The following TPP2 variants were observed in gnomAD, a reference collection of about 807,000 sequenced individuals.
TPP2 encodes the protein tripeptidyl peptidase 2.
Under a neutral mutation model 155.9 loss-of-function variants are expected in TPP2, and 34 were observed. The ratio of observed to expected loss-of-function variants is 0.22; its 90% CI spans 0.17 to 0.29. The LOEUF is 0.29. TPP2 is among the 10% of genes least tolerant of loss of function. The probability of loss-of-function intolerance (pLI) is 1.00; values close to 1 mark genes in which losing one functional copy is unlikely to be tolerated. For missense variants in TPP2, 1,028 were observed against 1,522.3 expected (o/e 0.68, Z 5.40); for synonymous variants, 510 against 529.4 (o/e 0.96, Z 0.50).
chr13:102,636,400 A>C lies in TPP2; in HGVS notation c.1678+8A>C. 1 of 1,606,818 alleles carries C rather than the reference A, an allele frequency of 6.2e-7. No individual in the cohort carries two copies. Among genetic ancestry groups the C allele is most frequent in the Non-Finnish European group, 8.5e-7 (1 of 1,177,558 alleles). On this transcript the variant is annotated splice_region_variant and intron_variant, in intron 13 of 29. Coordinates refer to ENST00000376052, the MANE Select transcript of TPP2 (RefSeq NM_001330588.2). ...TATTTCCGGAGAACACAGGTCAGTA[A>C]TAGGCTGGCAGTAAGCTGACGTATT...
At chr13:102,650,055 T>C (rs992411708) in intron 23 of TPP2, among the ~76,000 whole-genome samples, 1 of 152,150 alleles carries the variant, frequency 6.6e-6, no homozygotes, top group Non-Finnish European at 1.5e-5. Flanking sequence ...AAAATGATGC[T>C]TTTTTTAGAA....
intron 19 of TPP2, 148 bp downstream of exon 19, chr13:102,645,157 G>A (rs1883022488): frequency 1.4e-6 from 1 of 729,206 alleles, no homozygotes; most frequent in Non-Finnish European, 2.2e-6. Context: ...CTGCAAGGCA[G>A]CCCCAGTATC....
At chr13:102,621,370 A>G (rs971432973) in intron 5 of TPP2, among the ~76,000 whole-genome samples, 1 of 152,156 alleles carries the variant, frequency 6.6e-6, no homozygotes, top group Non-Finnish European at 1.5e-5. Context: ...CATGGAAGCA[A>G]GTGTTGGGAA....
chr13:102,646,910 T>C (rs1883143471), intron 20 of TPP2, among the ~76,000 whole-genome samples: 1 of 152,218 alleles, frequency 6.6e-6, no homozygotes, highest in African/African-American at 2.4e-5. Context: ...GGAAATGGAT[T>C]GGTTTCAGTG....
intron 2 of TPP2, among the ~76,000 whole-genome samples, chr13:102,608,597 T>C (rs1212563533): frequency 6.6e-6 from 1 of 152,170 alleles, no homozygotes; most frequent in Non-Finnish European, 1.5e-5. Context: ...ATTTTGCCTA[T>C]TTTTAATTGC....
chr13:102,616,248 C>A, intron 3 of TPP2, 148 bp from the exon 4 acceptor site: 1 of 554,380 alleles, frequency 1.8e-6, no homozygotes, highest in Non-Finnish European at 3.0e-6. Flanking sequence ...TGAGCCACCA[C>A]ACCCGGCCAA....
chr13:102,605,544 G>T (rs1879755373), intron 2 of TPP2, among the ~76,000 whole-genome samples: 1 of 152,114 alleles, frequency 6.6e-6, no homozygotes, highest in Non-Finnish European at 1.5e-5. Flanking sequence ...CAGTGAGCTT[G>T]CCAAATTTTA....
chr13:102,661,336 G>C lies in TPP2; in HGVS notation c.3144-2312G>C, dbSNP rs1325598266. Among the ~76,000 whole-genome samples the C allele has an allele frequency of 2.8e-5, 4 of 140,568 alleles. No homozygotes were observed. In the Admixed American group the frequency reaches 3.0e-4, roughly 10 times the overall value. The allele number at this position is 140,568 out of a possible 152,430, so 92.2% of individuals were successfully genotyped here. On this transcript the variant is annotated intron_variant, in intron 25 of 29. Coordinates refer to ENST00000376052, the MANE Select transcript of TPP2 (RefSeq NM_001330588.2). The stretch of plus-strand genomic sequence containing the variant: ...CACGATCATAGCTCACTGCAGCCTT[G>C]AACCCCTGGGCTCAAGGGATCTTCC...
intron 24 of TPP2, among the ~76,000 whole-genome samples, chr13:102,652,566 C>A (rs1000568713): frequency 1.1e-4 from 17 of 151,568 alleles, no homozygotes; most frequent in African/African-American, 4.1e-4. Flanking sequence ...CAGTAATGTC[C>A]TAATGTATAC....
chr13:102,627,736 A>C (rs994877652), intron 7 of TPP2, 112 bp from the exon 8 acceptor site: 6 of 746,844 alleles, frequency 8.0e-6, no homozygotes, highest in Middle Eastern at 3.6e-4. Flanking sequence ...TAACTTATAA[A>C]TTAGAATATG....
At chr13:102,597,307 C>G (rs995557374) in intron 1 of TPP2, 104 bp downstream of exon 1, 29 of 658,318 alleles carry the variant, frequency 4.4e-5, no homozygotes, top group Admixed American at 8.9e-5. Flanking sequence ...GCTCTGCGGC[C>G]GAGTCCGGGC....
intron 10 of TPP2, chr13:102,631,465 G>A (rs1882012851): frequency 6.6e-6 from 1 of 152,198 alleles, no homozygotes; most frequent in African/African-American, 2.4e-5. Flanking sequence ...CCAAAAGTCA[G>A]CAAAGCTTGA....
rs561485958 is a variant in TPP2, at chr13:102,619,444, AAAAC to A, written c.620+608_620+611del. Among the ~76,000 whole-genome samples the A allele has an allele frequency of 8.3e-4, 127 of 152,174 alleles. 2 individuals are homozygous for A. The East Asian group carries it at 0.021, about 25-fold the overall frequency. On this transcript the variant is annotated intron_variant, in intron 5 of 29. Coordinates refer to ENST00000376052, the MANE Select transcript of TPP2 (RefSeq NM_001330588.2). Reference sequence around the variant, plus strand: ...TGTGCTTTAGGATTTCTGCAAAAAAAAAACAAACAAACAGGGACTATTTCTTAAA... The same window carrying A: ...TGTGCTTTAGGATTTCTGCAAAAAAAAAACAAACAGGGACTATTTCTTAAA...
At chr13:102,650,439 C>G (rs1883407880) in intron 23 of TPP2, among the ~76,000 whole-genome samples, 1 of 152,164 alleles carries the variant, frequency 6.6e-6, no homozygotes, top group African/African-American at 2.4e-5. Context: ...TAGAAAGTTG[C>G]CTACCCTGAC....
chr13:102,624,838 A>AATT (rs1179643536), intron 6 of TPP2, among the ~76,000 whole-genome samples: 6 of 89,396 alleles, frequency 6.7e-5, no homozygotes, highest in Non-Finnish European at 1.1e-4. Context: ...ACATGTACTT[A>AATT]ATTTTTTTTT....
chr13:102,641,135 A>C (rs1438612082), intron 16 of TPP2, among the ~76,000 whole-genome samples: 1 of 152,220 alleles, frequency 6.6e-6, no homozygotes, highest in Non-Finnish European at 1.5e-5. Flanking sequence ...TCTTGAATTA[A>C]CATGTTATAG....
Position 102,623,059 on chromosome 13 carries a change from AC to A in TPP2, c.784+21del, listed in dbSNP as rs763095506. On this transcript the variant is annotated intron_variant, in intron 6 of 29. Coordinates refer to ENST00000376052, the MANE Select transcript of TPP2 (RefSeq NM_001330588.2). ...AGTGGAGGTATCCCATTTCAGATTG[AC>A]CAATGAGATATAGATTTATGAGGTG... is the stretch of plus-strand genomic sequence containing the variant. The A allele has an allele frequency of 1.4e-5, 23 of 1,604,638 alleles. No homozygotes were observed. The highest frequency in any genetic ancestry group is 1.7e-5 in the Admixed American group (1 of 57,852).
intron 2 of TPP2, among the ~76,000 whole-genome samples, chr13:102,610,324 G>A (rs1880187025): frequency 6.6e-6 from 1 of 151,922 alleles, no homozygotes; most frequent in African/African-American, 2.4e-5. Flanking sequence ...CGTCTCCTGG[G>A]TTCCAGCAAT....
In TPP2 at chr13:102,602,972, C is replaced by T. The variant is rs1311886357; in HGVS notation, c.166-1821C>T. On this transcript the variant is annotated intron_variant, in intron 1 of 29. Coordinates refer to ENST00000376052, the MANE Select transcript of TPP2 (RefSeq NM_001330588.2). ...TTGTGTCTCTGTTTTCTGGCTGATT[C>T]CTGCTGGTAACTCAGTACATATTCC... 2.7e-5 allele frequency among the ~76,000 whole-genome samples: 4 copies of T among 147,502 alleles called. No homozygotes were observed. The South Asian group carries it at 8.7e-4, about 32-fold the overall frequency.
Sources: gnomAD v4.1 joint callset for allele counts (sites outside exome capture counted in the v4.1 genomes callset) on GRCh38, gnomAD v4.1.1 for gene constraint, MANE v1.5 for transcripts, NCBI Gene and HGNC (gene_info 2026-07-23, HGNC 2026-07-21) for gene names.